WWOX: variants seen among roughly 807,000 people sequenced by gnomAD.
WWOX encodes the protein WW domain containing oxidoreductase.
WWOX carries 69 observed loss-of-function variants against 46.2 expected under a neutral mutation model. The ratio of observed to expected loss-of-function variants is 1.49; its 90% CI spans 1.23 to 1.82. The LOEUF is 1.82. Ranked by LOEUF, WWOX falls within the 40% of genes most tolerant of loss-of-function variation. The pLI, the probability that WWOX is intolerant of heterozygous loss-of-function variation, is 0.00. For missense variants in WWOX, 919 were observed against 542.6 expected, an observed-to-expected ratio of 1.69 and a Z score of -6.89; for synonymous variants, 359 against 202.6, an observed-to-expected ratio of 1.77 and a Z score of -6.56.
At chr16:78,568,972 A>C (rs1297052539) in intron 8 of WWOX, among the ~76,000 whole-genome samples, 1 of 152,234 alleles carries the variant, frequency 6.6e-6, no homozygotes, top group African/African-American at 2.4e-5. Flanking sequence ...TAAACAGATG[A>C]GTAACCTACT....
intron 8 of WWOX, among the ~76,000 whole-genome samples, chr16:79,044,251 C>T (rs992456523): frequency 1.3e-5 from 2 of 152,148 alleles, no homozygotes; most frequent in African/African-American, 4.8e-5. Context: ...CAAAATCCGT[C>T]GTTGAAAGTA....
chr16:79,129,995 A>G (rs1158360957), intron 8 of WWOX, among the ~76,000 whole-genome samples: 1 of 152,238 alleles, frequency 6.6e-6, no homozygotes, highest in Non-Finnish European at 1.5e-5. Context: ...AGGTAATAAA[A>G]ACAGCTAATA....
intron 8 of WWOX, among the ~76,000 whole-genome samples, chr16:78,587,193 CTTTTTTTTTTT>C (rs528293412): frequency 0.013 from 1,418 of 112,904 alleles, 40 homozygotes; most frequent in African/African-American, 0.045. Context: ...GCCTGGCTAA[CTTTTTTTTTTT>C]TTTTTTTTTT....
At chr16:79,039,232 C>A (rs1325620165) in intron 8 of WWOX, among the ~76,000 whole-genome samples, 1 of 152,076 alleles carries the variant, frequency 6.6e-6, no homozygotes, top group Non-Finnish European at 1.5e-5. Flanking sequence ...TTGCAGAATA[C>A]CGATCTGACT....
At chr16:78,332,873 C>T (rs919135400) in intron 5 of WWOX, among the ~76,000 whole-genome samples, 12 of 151,968 alleles carry the variant, frequency 7.9e-5, no homozygotes, top group African/African-American at 2.7e-4. Context: ...TCGCACAGTT[C>T]AGTGTAAAGT....
chr16:78,887,492 C>G (rs1431326521), intron 8 of WWOX, among the ~76,000 whole-genome samples: 4 of 148,274 alleles, frequency 2.7e-5, no homozygotes, highest in South Asian at 2.1e-4. Flanking sequence ...CACACACACA[C>G]ACACACACAC....
At chr16:78,298,750 C>T (rs370755227) in intron 5 of WWOX, among the ~76,000 whole-genome samples, 18 of 150,098 alleles carry the variant, frequency 1.2e-4, no homozygotes, top group African/African-American at 4.4e-4. Flanking sequence ...AAGATCGCAC[C>T]ATTGCACTCC....
At chr16:78,216,260 G>C (rs967779635) in intron 5 of WWOX, among the ~76,000 whole-genome samples, 3 of 152,166 alleles carry the variant, frequency 2.0e-5, no homozygotes, top group African/African-American at 7.2e-5. Flanking sequence ...ATAATCCCCA[G>C]AGCCTGGCTT....
At chr16:78,293,941 C>T (rs1191926339) in intron 5 of WWOX, among the ~76,000 whole-genome samples, 1 of 130,414 alleles carries the variant, frequency 7.7e-6, no homozygotes, top group East Asian at 2.5e-4. Flanking sequence ...CATATCACTG[C>T]ACTCTAGCCT....
At chr16:79,162,593 C>T (rs2050508436) in intron 8 of WWOX, among the ~76,000 whole-genome samples, 1 of 152,154 alleles carries the variant, frequency 6.6e-6, no homozygotes, top group African/African-American at 2.4e-5. Flanking sequence ...AGGGACAGGA[C>T]AATAAAGATC....
At chr16:78,394,110 C>T (rs535593094) in intron 6 of WWOX, among the ~76,000 whole-genome samples, 4 of 152,082 alleles carry the variant, frequency 2.6e-5, no homozygotes, top group South Asian at 2.1e-4. Context: ...TGAAGACCAA[C>T]GTGTAAATTA....
chr16:78,129,114 C>T (rs878973258), intron 4 of WWOX, among the ~76,000 whole-genome samples: 1 of 151,968 alleles, frequency 6.6e-6, no homozygotes, highest in African/African-American at 2.4e-5. Context: ...TGGGAGCTGT[C>T]AGCCTGTGTG....
At chr16:78,730,677 C>G (rs1309038214) in intron 8 of WWOX, among the ~76,000 whole-genome samples, 5 of 140,454 alleles carry the variant, frequency 3.6e-5, no homozygotes, top group Non-Finnish European at 7.6e-5. Flanking sequence ...CCGGGATGGT[C>G]TTGAACTCCT....
rs558882607 is a variant in WWOX, at chr16:78,099,704, G to C, written c.-75G>C. The C allele has an allele frequency of 7.5e-6, 11 of 1,470,664 alleles. No homozygotes were observed. In the African/African-American group the frequency reaches 1.3e-4, roughly 17 times the overall value. 91.1% of individuals were successfully genotyped at this position (1,470,664 alleles called of 1,614,324 possible). On this transcript the variant is annotated 5_prime_UTR_variant, in exon 1 of 9. Transcript: ENST00000566780. ...GCCCCGACGCGCGCGGGTCTCGTTT[G>C]GAGCGGGAGTGAGTTCCTGAGCGAG...
chr16:78,766,473 A>C (rs1426682847), intron 8 of WWOX, among the ~76,000 whole-genome samples: 6 of 152,170 alleles, frequency 3.9e-5, no homozygotes, highest in Non-Finnish European at 8.8e-5. Flanking sequence ...GTGTAGTCCC[A>C]GCTATTCAGG....
intron 8 of WWOX, among the ~76,000 whole-genome samples, chr16:78,468,620 G>T (rs1663369870): frequency 6.6e-6 from 1 of 152,102 alleles, no homozygotes; most frequent in South Asian, 2.1e-4. Context: ...TTGGAATAAA[G>T]ACTTAGTACA....
chr16:78,914,470 C>A (rs555488173), intron 8 of WWOX, among the ~76,000 whole-genome samples: 1 of 152,070 alleles, frequency 6.6e-6, no homozygotes, highest in South Asian at 2.1e-4. Flanking sequence ...CATGAAATTT[C>A]TTTTTAATGC....
intron 5 of WWOX, among the ~76,000 whole-genome samples, chr16:78,369,527 C>G (rs1438016687): frequency 2.0e-5 from 3 of 152,188 alleles, no homozygotes; most frequent in Non-Finnish European, 2.9e-5. Context: ...AGGGGCAGCT[C>G]ACTCGGCCTG....
At chr16:78,748,680 T>G (rs974449711) in intron 8 of WWOX, among the ~76,000 whole-genome samples, 1 of 152,218 alleles carries the variant, frequency 6.6e-6, no homozygotes, top group African/African-American at 2.4e-5. Flanking sequence ...AAAGTGCTTA[T>G]TTGAGGTGCT....
Sources: gnomAD v4.1 joint callset for allele counts (sites outside exome capture counted in the v4.1 genomes callset) on GRCh38, gnomAD v4.1.1 for gene constraint, MANE v1.5 for transcripts, NCBI Gene and HGNC (gene_info 2026-07-23, HGNC 2026-07-21) for gene names.